The following RSBN1L variants were observed in gnomAD, a reference collection of about 807,000 sequenced individuals.
RSBN1L encodes lysine-specific demethylase RSBN1L.
A neutral mutation model predicts 67.7 loss-of-function variants in RSBN1L; 30 were observed. The observed-to-expected ratio is 0.44, with a 90% confidence interval of 0.33 to 0.60. The LOEUF is 0.60. Ranked by LOEUF, RSBN1L falls within the 20% of genes least tolerant of loss-of-function variation. The pLI is 0.02. For missense variants in RSBN1L, 992 were observed against 1,031.7 expected (o/e 0.96, Z 0.53); for synonymous variants, 433 against 387.0 (o/e 1.12, Z -1.39).
intron 6 of RSBN1L, among the ~76,000 whole-genome samples, chr7:77,777,206 G>A (rs1791929843): frequency 6.6e-6 from 1 of 151,572 alleles, no homozygotes; most frequent in African/African-American, 2.4e-5. Context: ...TAATTGTCAT[G>A]TATTTTACTT....
Position 77,696,890 on chromosome 7 carries a change from C to G in RSBN1L, c.421C>G (p.His141Asp), listed in dbSNP as rs746282052. ...TACGCTGCTGCACGCTCAGCCTCAC[C>G]ATCTCCTCCTGCCCGCCGCCGCCGC... is the stretch of plus-strand genomic sequence containing the variant. Reference protein sequence around the residue: ...PPTLLHAQPHHLLLPAAAAAA... With the variant: ...PPTLLHAQPHDLLLPAAAAAA... The change falls in exon 1 of 8, where the codon CAT becomes GAT. Residue 141 changes from histidine to aspartate, a missense_variant. His to Asp is a moderately conservative substitution (Grantham distance 81). Coordinates refer to ENST00000334955, the MANE Select transcript of RSBN1L (RefSeq NM_198467.3). The G allele has an allele frequency of 4.4e-6, 7 of 1,608,338 alleles. No homozygotes were observed. The highest frequency in any genetic ancestry group is 1.3e-5 in the African/African-American group (1 of 75,064).
chr7:77,738,354 T>G (rs1166058104), intron 2 of RSBN1L, among the ~76,000 whole-genome samples: 2 of 152,110 alleles, frequency 1.3e-5, no homozygotes, highest in African/African-American at 4.8e-5. Flanking sequence ...AAAATTTAGG[T>G]GATATTTTGA....
At position 77,751,286 on chromosome 7, in the gene RSBN1L, T is replaced by A. The variant is rs558558218; in HGVS notation, c.1344+1222T>A. Among the ~76,000 whole-genome samples the A allele has an allele frequency of 3.0e-5, 4 of 132,610 alleles. No homozygotes were observed. The South Asian group carries it at 8.7e-4, about 29-fold the overall frequency. The allele number at this position is 132,610 out of a possible 152,430, so 87.0% of individuals were successfully genotyped here. On this transcript the variant is annotated intron_variant, in intron 3 of 7. Coordinates refer to ENST00000334955, the MANE Select transcript of RSBN1L (RefSeq NM_198467.3). Reference sequence around the variant, plus strand: ...TCCCAAGTAGCTGGAATTACAGACATGCACCACCATGCCTGGCTAATTTTT... The same window carrying A: ...TCCCAAGTAGCTGGAATTACAGACAAGCACCACCATGCCTGGCTAATTTTT...
chr7:77,724,389 A>G (rs963784308), intron 1 of RSBN1L, among the ~76,000 whole-genome samples: 13 of 151,866 alleles, frequency 8.6e-5, no homozygotes, highest in African/African-American at 2.9e-4. Context: ...ACTTGATTGT[A>G]CAAATAATAC....
intron 1 of RSBN1L, among the ~76,000 whole-genome samples, chr7:77,700,499 G>C (rs1402983888): frequency 6.6e-6 from 1 of 152,150 alleles, no homozygotes; most frequent in Non-Finnish European, 1.5e-5. Context: ...GAAAATAGCA[G>C]CTTTTCTTAG....
In RSBN1L at chr7:77,696,698, C is replaced by T. The variant is rs1168439103; in HGVS notation, c.229C>T (p.Pro77Ser). The part of the protein sequence containing the change: ...RQLQPPAAPS[P>S]QSYGSPASWS... ...GCTGCAGCCGCCGGCAGCACCTTCG[C>T]CTCAGAGCTATGGCAGCCCCGCGTC... is the stretch of plus-strand genomic sequence containing the variant. The change falls in exon 1 of 8, where the codon CCT becomes TCT. Residue 77 changes from proline (P) to serine (S), a missense_variant. Physicochemically the swap from Pro to Ser is moderately conservative, Grantham distance 74. Coordinates refer to ENST00000334955, the MANE Select transcript of RSBN1L (RefSeq NM_198467.3). 1.2e-6 allele frequency: 2 copies of T among 1,613,314 alleles called. No individual in the cohort carries two copies. The highest frequency in any genetic ancestry group is 1.7e-5 in the Admixed American group (1 of 59,996).
At chr7:77,713,224 T>C (rs1015524668) in intron 1 of RSBN1L, among the ~76,000 whole-genome samples, 12 of 152,176 alleles carry the variant, frequency 7.9e-5, no homozygotes, top group African/African-American at 2.7e-4. Flanking sequence ...TGCAATTTTT[T>C]TCTCTCTAAA....
Position 77,697,045 on chromosome 7 carries a change from G to T in RSBN1L, c.576G>T (p.Pro192=), listed in dbSNP as rs775515826. The T allele has an allele frequency of 8.0e-6, 12 of 1,491,100 alleles. No homozygotes were observed. Among genetic ancestry groups the T allele is most frequent in the African/African-American group, 5.6e-5 (4 of 71,372 alleles). 92.4% of individuals were successfully genotyped at this position (1,491,100 alleles called of 1,614,324 possible). A position where few individuals can be genotyped will look rare whatever the true frequency, so the allele number is the denominator to read the frequency against. ...ASREENGEVK[P]LPRDKIKDKI... ...GGGAGGAGAACGGGGAGGTGAAGCCGCTGCCCCGAGGTGGGTGCCGTGCGG... is the reference window on the plus strand; with the variant it reads ...GGGAGGAGAACGGGGAGGTGAAGCCTCTGCCCCGAGGTGGGTGCCGTGCGG... Residue 192 remains proline, a synonymous_variant, in exon 1 of 8, where the codon CCG becomes CCT. Coordinates refer to ENST00000334955, the MANE Select transcript of RSBN1L (RefSeq NM_198467.3).
Position 77,780,311 on chromosome 7 carries a change from T to C in RSBN1L, c.*1143T>C, listed in dbSNP as rs1270127999. 6.6e-6 allele frequency: 1 copy of C among 152,174 alleles called. No individual in the cohort carries two copies. The highest frequency in any genetic ancestry group is 1.9e-4 in the East Asian group (1 of 5,200). 9.4% of individuals were successfully genotyped at this position (152,174 alleles called of 1,614,324 possible). ...AAAATACATTGAAAAAAGTTTTATATTAAACTATTAAGAAAGCAGTTTAGG... is the reference window on the plus strand; with the variant it reads ...AAAATACATTGAAAAAAGTTTTATACTAAACTATTAAGAAAGCAGTTTAGG... On this transcript the variant is annotated 3_prime_UTR_variant, in exon 8 of 8. Coordinates refer to ENST00000334955, the MANE Select transcript of RSBN1L (RefSeq NM_198467.3).
intron 6 of RSBN1L, among the ~76,000 whole-genome samples, chr7:77,776,424 T>C (rs2868813): frequency 0.57 from 86,821 of 152,092 alleles, 26,690 homozygotes; most frequent in African/African-American, 0.81. Context: ...CCTCCCCAAT[T>C]CTCCATCTTC....
chr7:77,772,361 C>T (rs976749154), intron 5 of RSBN1L, among the ~76,000 whole-genome samples: 3 of 152,096 alleles, frequency 2.0e-5, no homozygotes, highest in South Asian at 2.1e-4. Context: ...AAACAAAAAC[C>T]GTAGAGGAAG....
chr7:77,766,085 T>C (rs1329231112), intron 4 of RSBN1L, among the ~76,000 whole-genome samples: 1 of 152,226 alleles, frequency 6.6e-6, no homozygotes, highest in Non-Finnish European at 1.5e-5. Context: ...CACACCCATA[T>C]TTTAGCCATG....
At chr7:77,704,991 T>TTGTG (rs138276295) in intron 1 of RSBN1L, among the ~76,000 whole-genome samples, 100 of 149,240 alleles carry the variant, frequency 6.7e-4, no homozygotes, top group African/African-American at 1.1e-3. Context: ...AAAAAAAAAG[T>TTGTG]TGTGTGTGTG....
chr7:77,697,212 C>A, intron 1 of RSBN1L, 157 bp downstream of exon 1: 1 of 752,068 alleles, frequency 1.3e-6, no homozygotes, highest in Non-Finnish European at 1.8e-6. Flanking sequence ...TTGCAGTTCC[C>A]AAGGGGACAG....
At chr7:77,699,817 A>G (rs1437471630) in intron 1 of RSBN1L, among the ~76,000 whole-genome samples, 1 of 151,520 alleles carries the variant, frequency 6.6e-6, no homozygotes, top group Non-Finnish European at 1.5e-5. Flanking sequence ...TTTTTTGGAA[A>G]CAGAGTCTCG....
In RSBN1L at chr7:77,780,211, A is replaced by C. The variant is rs1284028040; in HGVS notation, c.*1043A>C. The C allele has an allele frequency of 6.6e-6, 1 of 152,120 alleles. No homozygotes were observed. The highest frequency in any genetic ancestry group is 2.4e-5 in the African/African-American group (1 of 41,426). 9.4% of individuals were successfully genotyped at this position (152,120 alleles called of 1,614,324 possible). A position where few individuals can be genotyped will look rare whatever the true frequency, so the allele number is the denominator to read the frequency against. ...TGTGAATGTGTATATATATGTATAT[A>C]TATATCATATTTTGCATAATTTTCT... is the stretch of plus-strand genomic sequence containing the variant. On this transcript the variant is annotated 3_prime_UTR_variant, in exon 8 of 8. Transcript: ENST00000334955.
At chr7:77,723,551 C>T (rs1584282303) in intron 1 of RSBN1L, among the ~76,000 whole-genome samples, 1 of 152,130 alleles carries the variant, frequency 6.6e-6, no homozygotes, top group Non-Finnish European at 1.5e-5. Context: ...TCACTGCAGC[C>T]GTGACCTGCT....
intron 6 of RSBN1L, among the ~76,000 whole-genome samples, chr7:77,775,009 A>T (rs1217664501): frequency 6.6e-6 from 1 of 152,158 alleles, no homozygotes; most frequent in East Asian, 1.9e-4. Context: ...CTACAGTCAC[A>T]CACCACCACA....
intron 1 of RSBN1L, among the ~76,000 whole-genome samples, chr7:77,724,760 T>C (rs1791173080): frequency 6.6e-6 from 1 of 151,650 alleles, no homozygotes; most frequent in Non-Finnish European, 1.5e-5. Flanking sequence ...TTTCAAATAA[T>C]TTAGGAAGTA....
Sources: allele counts gnomAD v4.1 joint callset (sites outside exome capture counted in the v4.1 genomes callset), GRCh38; gene constraint gnomAD v4.1.1; transcripts MANE v1.5; gene names NCBI Gene and HGNC (gene_info 2026-07-23, HGNC 2026-07-21).